Variants in EGFR observed in about 807,000 individuals in gnomAD.
EGFR encodes the protein epidermal growth factor receptor, also known as avian erythroblastic leukemia viral (v-erb-b) oncogene homolog.
Under a neutral mutation model 143.0 loss-of-function variants are expected in EGFR, and 58 were observed. That is an observed-to-expected ratio of 0.41 (90% CI 0.33 to 0.50). The LOEUF (loss-of-function observed/expected upper bound fraction) is 0.50, where lower values mean the gene tolerates loss of function less well. Among genes scored for constraint, EGFR ranks in the 20% least tolerant of loss-of-function variants. The pLI is 0.39. For missense variants in EGFR, 1,307 were observed against 1,579.0 expected (o/e 0.83, Z 2.92); for synonymous variants, 613 against 594.4 (o/e 1.03, Z -0.45).
chr7:55,036,640 G>T (rs963003689), intron 1 of EGFR, among the ~76,000 whole-genome samples: 1 of 152,186 alleles, frequency 6.6e-6, no homozygotes, highest in Admixed American at 6.5e-5. Flanking sequence ...TGGCTTTAAA[G>T]TCAAGGCAAT....
chr7:55,032,471 T>C (rs1240062680), intron 1 of EGFR, among the ~76,000 whole-genome samples: 1 of 152,196 alleles, frequency 6.6e-6, no homozygotes, highest in Non-Finnish European at 1.5e-5. Context: ...GCACACACTT[T>C]TCCTGAGCCT....
At chr7:55,172,140 A>G (rs1290108319) in intron 16 of EGFR, among the ~76,000 whole-genome samples, 1 of 152,114 alleles carries the variant, frequency 6.6e-6, no homozygotes, top group South Asian at 2.1e-4. Context: ...GCTTTCCACC[A>G]TGTCTCCACC....
At chr7:55,161,317 CT>C (rs1464906789) in intron 12 of EGFR, among the ~76,000 whole-genome samples, 181 bp from the exon 13 acceptor site, 3 of 152,272 alleles carry the variant, frequency 2.0e-5, no homozygotes, top group African/African-American at 7.2e-5. Flanking sequence ...CTACTTTGTC[CT>C]TCCAGTCACG....
At chr7:55,177,516 G>A (rs766941283) in intron 19 of EGFR, among the ~76,000 whole-genome samples, 3 of 152,224 alleles carry the variant, frequency 2.0e-5, no homozygotes, top group Non-Finnish European at 2.9e-5. Context: ...CTTAGTGAAT[G>A]AGTAAAGTTC....
At chr7:55,027,991 A>AAATATATATATATAT (rs1554311534) in intron 1 of EGFR, among the ~76,000 whole-genome samples, 8 of 54,988 alleles carry the variant, frequency 1.5e-4, no homozygotes, top group South Asian at 8.5e-4. Context: ...AAAAAAAAAA[A>AAATATATATATATAT]ATATATATAT....
At chr7:55,113,928 G>A (rs1252578568) in intron 1 of EGFR, among the ~76,000 whole-genome samples, 3 of 152,178 alleles carry the variant, frequency 2.0e-5, no homozygotes, top group East Asian at 1.9e-4. Context: ...GGCCTCACCC[G>A]ACACTCTGAT....
At position 55,019,180 on chromosome 7, in the gene EGFR, C is replaced by A. The variant is rs2128853043; in HGVS notation, c.-98C>A. On this transcript the variant is annotated 5_prime_UTR_variant, in exon 1 of 28. Coordinates refer to ENST00000275493, the MANE Select transcript of EGFR (RefSeq NM_005228.5). ...CCACCTCGTCGGCGTCCGCCCGAGT[C>A]CCCGCCTCGCCGCCAACGCCACAAC... 1 of 1,041,664 alleles carries A rather than the reference C, an allele frequency of 9.6e-7. No individual in the cohort carries two copies. The highest frequency in any genetic ancestry group is 1.3e-6 in the Non-Finnish European group (1 of 744,716). 64.5% of individuals were successfully genotyped at this position (1,041,664 alleles called of 1,614,324 possible).
chr7:55,166,150 G>A (rs1328072971), intron 15 of EGFR: 13 of 449,412 alleles, frequency 2.9e-5, no homozygotes, highest in South Asian at 5.9e-5. Flanking sequence ...AAACTCTGTC[G>A]CAAAAAACAA....
intron 16 of EGFR, among the ~76,000 whole-genome samples, chr7:55,171,729 G>T (rs1786362051): frequency 6.6e-6 from 1 of 152,186 alleles, no homozygotes; most frequent in South Asian, 2.1e-4. Context: ...GCAAAGCCCT[G>T]AGAAAAGCAA....
intron 1 of EGFR, among the ~76,000 whole-genome samples, chr7:55,045,506 C>T (rs1378516095): frequency 2.6e-5 from 4 of 152,110 alleles, no homozygotes; most frequent in African/African-American, 7.2e-5. Context: ...AGGTTCCTTC[C>T]GTCTCTAACA....
chr7:55,158,688 A>T (rs1199116467), intron 11 of EGFR, among the ~76,000 whole-genome samples: 1 of 152,200 alleles, frequency 6.6e-6, no homozygotes, highest in Non-Finnish European at 1.5e-5. Flanking sequence ...TTCACATTTA[A>T]TGAGAAGTCT....
chr7:55,154,204 C>T, intron 7 of EGFR, 52 bp downstream of exon 7: 1 of 1,613,266 alleles, frequency 6.2e-7, no homozygotes, highest in Non-Finnish European at 8.5e-7. Flanking sequence ...TTGTCCCGCT[C>T]TGTCTCCTGC....
intron 11 of EGFR, 78 bp from the exon 12 acceptor site, chr7:55,160,061 G>T: frequency 6.7e-7 from 1 of 1,488,192 alleles, no homozygotes. Flanking sequence ...ATCAAAGGTG[G>T]TCTGGAGAAA....
rs17290096 is a variant in EGFR, at chr7:55,162,956, A to C, written c.1632-777A>C. Among the ~76,000 whole-genome samples the C allele has an allele frequency of 6.2e-3, 945 of 152,256 alleles. 2 individuals carry two copies. The highest frequency in any genetic ancestry group is 8.0e-3 in the Non-Finnish European group (543 of 68,008). ...CAGGTGTGCACCACCATGTCCAGCT[A>C]ATTTTTTGTAGTTTTAGTAGAGACG... is the stretch of plus-strand genomic sequence containing the variant. On this transcript the variant is annotated intron_variant, in intron 13 of 27. Coordinates refer to ENST00000275493, the MANE Select transcript of EGFR (RefSeq NM_005228.5).
intron 15 of EGFR, among the ~76,000 whole-genome samples, chr7:55,166,681 AATG>A (rs56270167): frequency 3.1e-3 from 298 of 96,100 alleles, no homozygotes; most frequent in Middle Eastern, 0.012. Context: ...TGGGAGTCAC[AATG>A]GTGGTGGTGA....
rs527629796 is a variant in EGFR, at chr7:55,167,011, A to G, written c.1880+1574A>G. On this transcript the variant is annotated intron_variant, in intron 15 of 27. Transcript: ENST00000275493. ...TGATGATGAGGAGGTGGGAGTCACAATGGTGTCAGTGTTGATGGTCCGATG... is the reference window on the plus strand; with the variant it reads ...TGATGATGAGGAGGTGGGAGTCACAGTGGTGTCAGTGTTGATGGTCCGATG... Among the ~76,000 whole-genome samples the G allele has an allele frequency of 2.6e-3, 326 of 127,280 alleles. 32 individuals carry two copies. Among genetic ancestry groups the G allele is most frequent in the African/African-American group, 9.9e-3 (309 of 31,238 alleles). The allele number at this position is 127,280 out of a possible 152,430, so 83.5% of individuals were successfully genotyped here.
At chr7:55,033,679 C>G (rs943576054) in intron 1 of EGFR, among the ~76,000 whole-genome samples, 2 of 152,268 alleles carry the variant, frequency 1.3e-5, no homozygotes, top group Admixed American at 6.5e-5. Context: ...ACGTCCTTCC[C>G]GTGGTCTGGA....
intron 1 of EGFR, among the ~76,000 whole-genome samples, chr7:55,093,425 T>G (rs1330612840): frequency 2.0e-5 from 3 of 152,208 alleles, no homozygotes; most frequent in Non-Finnish European, 4.4e-5. Context: ...CAAAAATCAG[T>G]ATCGTAGAGT....
intron 1 of EGFR, among the ~76,000 whole-genome samples, chr7:55,131,037 G>C (rs1042957467): frequency 2.6e-5 from 4 of 152,180 alleles, no homozygotes; most frequent in Non-Finnish European, 5.9e-5. Flanking sequence ...TCTGACTAAG[G>C]GGCCAGGTGC....
Sources: allele counts gnomAD v4.1 joint callset (sites outside exome capture counted in the v4.1 genomes callset), GRCh38; gene constraint gnomAD v4.1.1; transcripts MANE v1.5; gene names NCBI Gene and HGNC (gene_info 2026-07-23, HGNC 2026-07-21).